CSMD3: variants seen among roughly 807,000 people sequenced by gnomAD.
CSMD3 encodes CUB and Sushi multiple domains 3.
A neutral mutation model predicts 435.2 loss-of-function variants in CSMD3; 177 were observed. The observed-to-expected ratio is 0.41, with a 90% confidence interval of 0.36 to 0.46. The LOEUF (loss-of-function observed/expected upper bound fraction) is 0.46. Among genes scored for constraint, CSMD3 ranks in the 20% least tolerant of loss-of-function variants. The probability of loss-of-function intolerance (pLI) is 0.34; values close to 1 mark genes in which losing one functional copy is unlikely to be tolerated. For missense variants in CSMD3, 4,265 were observed against 4,504.6 expected, an observed-to-expected ratio of 0.95 and a Z score of 1.52; for synonymous variants, 1,656 against 1,520.5, an observed-to-expected ratio of 1.09 and a Z score of -2.07.
intron 1 of CSMD3, among the ~76,000 whole-genome samples, chr8:113,321,358 A>C (rs2132708773): frequency 6.6e-6 from 1 of 152,154 alleles, no homozygotes; most frequent in South Asian, 2.1e-4. Context: ...AATTTCTTGA[A>C]GCTGACCTAG....
At chr8:112,784,098 T>G (rs746593893) in intron 13 of CSMD3, among the ~76,000 whole-genome samples, 8 of 151,962 alleles carry the variant, frequency 5.3e-5, no homozygotes, top group Non-Finnish European at 1.5e-5. Context: ...ATGGTCCTAA[T>G]AGATATTTGC....
chr8:112,341,219 T>G (rs1563812635), intron 42 of CSMD3, among the ~76,000 whole-genome samples: 2 of 152,068 alleles, frequency 1.3e-5, no homozygotes, highest in Non-Finnish European at 2.9e-5. Context: ...CTTAATTTAA[T>G]TGTGTATTAA....
At chr8:112,625,504 T>C (rs1834406611) in intron 22 of CSMD3, among the ~76,000 whole-genome samples, 1 of 152,182 alleles carries the variant, frequency 6.6e-6, no homozygotes, top group Non-Finnish European at 1.5e-5. Context: ...TGCAACATTC[T>C]GTAGCAGATA....
intron 3 of CSMD3, among the ~76,000 whole-genome samples, chr8:113,239,810 T>C (rs1006043485): frequency 6.6e-6 from 1 of 152,148 alleles, no homozygotes; most frequent in African/African-American, 2.4e-5. Flanking sequence ...TCTATTTTCT[T>C]AGAAAATACA....
chr8:112,680,312 G>A (rs564553854), intron 16 of CSMD3, among the ~76,000 whole-genome samples: 11 of 152,170 alleles, frequency 7.2e-5, no homozygotes, highest in African/African-American at 2.6e-4. Flanking sequence ...CAGCAGAAAT[G>A]GTGCCACTGC....
chr8:113,062,907 G>A (rs983943415), intron 5 of CSMD3, among the ~76,000 whole-genome samples: 4 of 151,422 alleles, frequency 2.6e-5, no homozygotes, highest in East Asian at 3.9e-4. Flanking sequence ...AGTATTTTCC[G>A]CTTTTATAGG....
chr8:113,241,459 A>G (rs145810797), intron 3 of CSMD3, among the ~76,000 whole-genome samples: 286 of 152,190 alleles, frequency 1.9e-3, no homozygotes, highest in African/African-American at 6.1e-3. Flanking sequence ...ATATCTTTTC[A>G]CAAAATGAAT....
chr8:112,526,171 G>A (rs1273457031), intron 27 of CSMD3, among the ~76,000 whole-genome samples: 1 of 151,516 alleles, frequency 6.6e-6, no homozygotes, highest in Admixed American at 6.6e-5. Flanking sequence ...TGTACTAACT[G>A]AATATTTTAA....
chr8:112,460,839 C>T (rs879343498), intron 32 of CSMD3, among the ~76,000 whole-genome samples: 2 of 152,032 alleles, frequency 1.3e-5, no homozygotes, highest in Non-Finnish European at 2.9e-5. Flanking sequence ...GCAAAAGCCG[C>T]TAGGTTGAAA....
intron 23 of CSMD3, among the ~76,000 whole-genome samples, chr8:112,584,451 G>A (rs1217201766): frequency 6.6e-6 from 1 of 151,622 alleles, no homozygotes; most frequent in East Asian, 1.9e-4. Flanking sequence ...GAAGAAAAAA[G>A]ACAGCAGATA....
intron 5 of CSMD3, among the ~76,000 whole-genome samples, chr8:113,066,086 C>A (rs1588001484): frequency 6.9e-6 from 1 of 144,510 alleles, no homozygotes; most frequent in African/African-American, 2.5e-5. Context: ...GTTTGGAAAC[C>A]CTTATTCTTG....
At chr8:113,327,464 T>G (rs1454278171) in intron 1 of CSMD3, among the ~76,000 whole-genome samples, 1 of 152,136 alleles carries the variant, frequency 6.6e-6, no homozygotes, top group Non-Finnish European at 1.5e-5. Flanking sequence ...CTGCTGAACC[T>G]TACTAATAAT....
At chr8:113,259,893 C>T (rs1235949376) in intron 3 of CSMD3, among the ~76,000 whole-genome samples, 10 of 152,012 alleles carry the variant, frequency 6.6e-5, no homozygotes, top group African/African-American at 1.9e-4. Flanking sequence ...CCCATAATCC[C>T]CATGTGTGGT....
rs191105992 is a variant in CSMD3, at chr8:112,507,781, T to C, written c.4757-952A>G. ...GAGATATGTAATATCATCACTACGG[T>C]TTGGTAATTTTTCCATTGTCTTTTG... is the stretch of plus-strand genomic sequence containing the variant. On this transcript the variant is annotated intron_variant, in intron 28 of 70. Transcript: ENST00000297405. Among the ~76,000 whole-genome samples, 513 of 152,196 alleles carry C rather than the reference T, an allele frequency of 3.4e-3. 1 individual carries two copies. Among genetic ancestry groups the C allele is most frequent in the African/African-American group, 0.012 (492 of 41,538 alleles).
chr8:113,120,102 A>T (rs553723972), intron 4 of CSMD3, among the ~76,000 whole-genome samples: 1 of 152,148 alleles, frequency 6.6e-6, no homozygotes, highest in East Asian at 1.9e-4. Flanking sequence ...GTTCAAACAC[A>T]TATATACACA....
chr8:112,400,558 T>A (rs1300287651), intron 35 of CSMD3, among the ~76,000 whole-genome samples: 1 of 152,156 alleles, frequency 6.6e-6, no homozygotes, highest in East Asian at 1.9e-4. Context: ...AGAGATGGTG[T>A]GGGTTCCTGG....
chr8:112,906,413 T>C (rs1410276003), intron 10 of CSMD3, among the ~76,000 whole-genome samples: 3 of 151,148 alleles, frequency 2.0e-5, no homozygotes, highest in Non-Finnish European at 4.4e-5. Flanking sequence ...TAAACCTCTA[T>C]AAAAGCTGAG....
intron 24 of CSMD3, among the ~76,000 whole-genome samples, chr8:112,566,937 T>C (rs1043416645): frequency 2.0e-5 from 3 of 152,144 alleles, no homozygotes; most frequent in African/African-American, 7.2e-5. Flanking sequence ...TACTCTGCTA[T>C]GGGCTGGAAG....
intron 10 of CSMD3, among the ~76,000 whole-genome samples, chr8:112,907,339 G>T (rs1461753469): frequency 6.6e-6 from 1 of 151,402 alleles, no homozygotes; most frequent in South Asian, 2.1e-4. Flanking sequence ...TGTATATACT[G>T]CACTCTTCAG....
Sources: gnomAD v4.1 joint callset for allele counts (sites outside exome capture counted in the v4.1 genomes callset) on GRCh38, gnomAD v4.1.1 for gene constraint, MANE v1.5 for transcripts, NCBI Gene and HGNC (gene_info 2026-07-23, HGNC 2026-07-21) for gene names.